ZNF737: variants seen among roughly 807,000 people sequenced by gnomAD.
The protein encoded by ZNF737 is zinc finger protein 102 (Y3).
A neutral mutation model predicts 11.7 loss-of-function variants in ZNF737; 13 were observed. That is an observed-to-expected ratio of 1.11 (90% CI 0.73 to 1.77). ZNF737 has a LOEUF of 1.77. Among genes scored for constraint, ZNF737 ranks in the 40% most tolerant of loss-of-function variants. ZNF737 has a pLI of 0.00. For synonymous variants in ZNF737, 217 were observed against 216.2 expected (o/e 1.00, Z -0.03); for missense variants, 636 against 638.0 (o/e 1.00, Z 0.03).
rs1321669885 is a variant in ZNF737, at chr19:20,545,879, A to G, written c.324T>C (p.His108=). ...VTLRRYENYG[H]DNLQFKKGCE... ...AGCCCTTTTTAAACTGTAAATTGTCATGTCCATAGTTTTCATATCTTCTCA... is the reference window on the plus strand; with the variant it reads ...AGCCCTTTTTAAACTGTAAATTGTCGTGTCCATAGTTTTCATATCTTCTCA... Residue 108 remains histidine (H), a synonymous_variant, in exon 4 of 4, where the codon CAT becomes CAC. Coordinates refer to ENST00000427401, the MANE Select transcript of ZNF737 (RefSeq NM_001159293.2). 2.5e-6 allele frequency: 4 copies of G among 1,612,794 alleles called. No homozygotes were observed. Among genetic ancestry groups the G allele is most frequent in the Non-Finnish European group, 3.4e-6 (4 of 1,179,630 alleles).
At position 20,538,272 on chromosome 19, in the gene ZNF737, T is replaced by G. The variant is rs1295406507; in HGVS notation, c.*6320A>C. ...TTTAGCCTAAATATTTGCCCTGGCA[T>G]GCTTATACTAATCCAAGCAAGCATT... On this transcript the variant is annotated 3_prime_UTR_variant, in exon 4 of 4. Transcript: ENST00000427401. Among the ~76,000 whole-genome samples, 2 of 152,256 alleles carry G rather than the reference T, an allele frequency of 1.3e-5. No individual in the cohort carries two copies. The highest frequency in any genetic ancestry group is 1.3e-4 in the Admixed American group (2 of 15,292).
chr19:20,532,166 C>A (rs1261810907), downstream of ZNF737, among the ~76,000 whole-genome samples: 1 of 149,924 alleles, frequency 6.7e-6, no homozygotes, highest in African/African-American at 2.5e-5. Context: ...TCACACCTAC[C>A]ATTTGGGGCC....
rs1969275581 is a variant in ZNF737, at chr19:20,565,740, C to A, written c.-100G>T. ...GCTGGGCCTCTAGGAGCAGAGGACA[C>A]ACAGCAGTGAAGACAAGACCTGGAG... On this transcript the variant is annotated 5_prime_UTR_variant, in exon 1 of 4. Transcript: ENST00000427401. 1 of 1,570,658 alleles carries A rather than the reference C, an allele frequency of 6.4e-7. No individual in the cohort carries two copies.
At chr19:20,554,862 CTTT>C (rs35282648) in intron 1 of ZNF737, among the ~76,000 whole-genome samples, 59 of 136,958 alleles carry the variant, frequency 4.3e-4, no homozygotes, top group East Asian at 1.7e-3. Context: ...ATAAGCATTT[CTTT>C]TTTTTTTTTT....
chr19:20,540,099 G>T lies in ZNF737; in HGVS notation c.*4493C>A. On this transcript the variant is annotated 3_prime_UTR_variant, in exon 4 of 4. Coordinates refer to ENST00000427401, the MANE Select transcript of ZNF737 (RefSeq NM_001159293.2). ...TAGAATCCTCTTATGTTCCTTACTG[G>T]AAGCAACATGGAGGAGGCAGAAATG... 1.0e-6 allele frequency: 1 copy of T among 985,188 alleles called. No homozygotes were observed. Among genetic ancestry groups the T allele is most frequent in the Non-Finnish European group, 1.2e-6 (1 of 829,888 alleles). 61.0% of individuals were successfully genotyped at this position (985,188 alleles called of 1,614,324 possible). A position where few individuals can be genotyped will look rare whatever the true frequency, so the allele number is the denominator to read the frequency against.
In ZNF737 at chr19:20,542,979, A is replaced by T; in HGVS notation, c.*1613T>A. 1.0e-6 allele frequency: 1 copy of T among 985,070 alleles called. No homozygotes were observed. Among genetic ancestry groups the T allele is most frequent in the Non-Finnish European group, 1.2e-6 (1 of 829,606 alleles). 61.0% of individuals were successfully genotyped at this position (985,070 alleles called of 1,614,324 possible). On this transcript the variant is annotated 3_prime_UTR_variant, in exon 4 of 4. Coordinates refer to ENST00000427401, the MANE Select transcript of ZNF737 (RefSeq NM_001159293.2). ...AAAAATCTACTCCTTTTAAAGTTAA[A>T]TAGAAATCATTTACCTAAAAACTGC...
At chr19:20,552,407 G>T in intron 3 of ZNF737, 68 bp downstream of exon 3, 2 of 1,140,110 alleles carry the variant, frequency 1.8e-6, no homozygotes, top group Non-Finnish European at 2.4e-6. Context: ...TTTAAGGACT[G>T]GCTTTCTCTT....
chr19:20,544,524 C>G lies in ZNF737; in HGVS notation c.*68G>C, dbSNP rs782525678. ...TTATCACACTTGTACAGTTTCCCTC[C>G]AATATGAATTTTCTTATGTGAAAAA... On this transcript the variant is annotated 3_prime_UTR_variant, in exon 4 of 4. Transcript: ENST00000427401. 2.5e-5 allele frequency: 39 copies of G among 1,543,162 alleles called. No homozygotes were observed. Among genetic ancestry groups the G allele is most frequent in the Non-Finnish European group, 3.4e-5 (39 of 1,151,046 alleles).
intron 1 of ZNF737, among the ~76,000 whole-genome samples, chr19:20,565,244 T>C (rs75503265): frequency 0.019 from 2,941 of 152,140 alleles, 94 homozygotes; most frequent in African/African-American, 0.068. Flanking sequence ...CCCATAAATT[T>C]TGAATAGCAG....
At chr19:20,548,284 T>A (rs1298453817) in intron 3 of ZNF737, among the ~76,000 whole-genome samples, 1 of 152,152 alleles carries the variant, frequency 6.6e-6, no homozygotes, top group African/African-American at 2.4e-5. Context: ...TTTATAAACA[T>A]ATCAAAAAAT....
intron 3 of ZNF737, among the ~76,000 whole-genome samples, chr19:20,549,722 G>T (rs1017703211): frequency 4.3e-5 from 6 of 140,328 alleles, no homozygotes; most frequent in Non-Finnish European, 9.3e-5. Flanking sequence ...CTGAGGTCAG[G>T]AGTTCAAGAC....
chr19:20,531,785 T>C (rs1464025842), downstream of ZNF737, among the ~76,000 whole-genome samples: 6 of 150,036 alleles, frequency 4.0e-5, no homozygotes, highest in Non-Finnish European at 8.9e-5. Flanking sequence ...TCACTATTCA[T>C]AGCATTTCAT....
chr19:20,553,030 AAAAG>A (rs2144660914), intron 2 of ZNF737, among the ~76,000 whole-genome samples: 1 of 152,008 alleles, frequency 6.6e-6, no homozygotes, highest in African/African-American at 2.4e-5. Flanking sequence ...AAAAAAAAAA[AAAAG>A]AAAAAGAAAG....
chr19:20,542,624 CTTT>C lies in ZNF737; in HGVS notation c.*1965_*1967del, dbSNP rs1968260597. ...TATTTTAATATACTTTTAATTATTT[CTTT>C]GTGTCACTATAATAAAGTATTGCTC... On this transcript the variant is annotated 3_prime_UTR_variant, in exon 4 of 4. Coordinates refer to ENST00000427401, the MANE Select transcript of ZNF737 (RefSeq NM_001159293.2). The C allele has an allele frequency of 1.0e-5, 10 of 973,186 alleles. No individual in the cohort carries two copies. In the South Asian group the frequency reaches 3.8e-4, roughly 37 times the overall value. 60.3% of individuals were successfully genotyped at this position (973,186 alleles called of 1,614,324 possible).
At chr19:20,565,431 G>T (rs1287913446) in intron 1 of ZNF737, among the ~76,000 whole-genome samples, 2 of 152,108 alleles carry the variant, frequency 1.3e-5, no homozygotes, top group African/African-American at 4.8e-5. Context: ...TCACTACGCA[G>T]GGAAGACACA....
chr19:20,537,741 T>C (rs1968035008), downstream of ZNF737, among the ~76,000 whole-genome samples: 1 of 151,638 alleles, frequency 6.6e-6, no homozygotes, highest in Non-Finnish European at 1.5e-5. Context: ...GGTCTCGAAC[T>C]CCTGACCTCT....
At chr19:20,550,253 A>G (rs1209801390) in intron 3 of ZNF737, among the ~76,000 whole-genome samples, 2 of 152,176 alleles carry the variant, frequency 1.3e-5, no homozygotes, top group Admixed American at 1.3e-4. Flanking sequence ...TCTGATATGT[A>G]AAACAAATAT....
Position 20,541,368 on chromosome 19 carries a change from C to T in ZNF737, c.*3224G>A. On this transcript the variant is annotated 3_prime_UTR_variant, in exon 4 of 4. Coordinates refer to ENST00000427401, the MANE Select transcript of ZNF737 (RefSeq NM_001159293.2). ...TTAAAACTAAAAGTCTATGTGTTTG[C>T]AGGCAGAGACCACATGTTCAAGGAA... is the stretch of plus-strand genomic sequence containing the variant. 1.0e-6 allele frequency: 1 copy of T among 984,030 alleles called. No homozygotes were observed. Among genetic ancestry groups the T allele is most frequent in the Non-Finnish European group, 1.2e-6 (1 of 828,700 alleles). The allele number at this position is 984,030 out of a possible 1,614,324, so 61.0% of individuals were successfully genotyped here.
downstream of ZNF737, among the ~76,000 whole-genome samples, chr19:20,532,166 C>T (rs1261810907): frequency 6.7e-6 from 1 of 149,924 alleles, no homozygotes; most frequent in African/African-American, 2.5e-5. Flanking sequence ...TCACACCTAC[C>T]ATTTGGGGCC....
Sources: gnomAD v4.1 joint callset for allele counts (sites outside exome capture counted in the v4.1 genomes callset) on GRCh38, gnomAD v4.1.1 for gene constraint, MANE v1.5 for transcripts, NCBI Gene and HGNC (gene_info 2026-07-23, HGNC 2026-07-21) for gene names.